DSE: variants seen among roughly 807,000 people sequenced by gnomAD.
DSE encodes dermatan-sulfate epimerase.
A neutral mutation model predicts 84.4 loss-of-function variants in DSE; 36 were observed. The ratio of observed to expected loss-of-function variants is 0.43; its 90% confidence interval spans 0.33 to 0.56. The LOEUF (loss-of-function observed/expected upper bound fraction) is 0.56, where lower values mean the gene tolerates loss of function less well. Ranked by LOEUF, DSE falls within the 20% of genes least tolerant of loss-of-function variation. The pLI is 0.06. For synonymous variants in DSE, 410 were observed against 430.1 expected (o/e 0.95, Z 0.58); for missense variants, 862 against 1,169.6 (o/e 0.74, Z 3.84).
chr6:116,300,251 G>A (rs535783287), intron 2 of DSE, among the ~76,000 whole-genome samples: 11 of 152,202 alleles, frequency 7.2e-5, no homozygotes, highest in East Asian at 5.8e-4. Context: ...AGTCATGTCC[G>A]AATAGTAAGT....
chr6:116,376,522 TTGAA>T (rs1779941987), intron 1 of DSE, among the ~76,000 whole-genome samples: 1 of 152,234 alleles, frequency 6.6e-6, no homozygotes. Context: ...TGTTTATTTC[TTGAA>T]TGGAGTAGTT....
At chr6:116,298,310 C>T (rs563546858) in intron 2 of DSE, among the ~76,000 whole-genome samples, 6 of 152,164 alleles carry the variant, frequency 3.9e-5, no homozygotes, top group Non-Finnish European at 7.3e-5. Flanking sequence ...GGTGGAATTA[C>T]GGTTTCTCAT....
At chr6:116,384,713 CTT>C (rs925470077) in intron 1 of DSE, among the ~76,000 whole-genome samples, 12 of 152,100 alleles carry the variant, frequency 7.9e-5, no homozygotes, top group Non-Finnish European at 1.0e-4. Flanking sequence ...AAGTTTACCT[CTT>C]GACGCAGTTA....
chr6:116,325,541 T>C (rs1395854837), intron 2 of DSE, among the ~76,000 whole-genome samples: 7 of 152,192 alleles, frequency 4.6e-5, no homozygotes. Flanking sequence ...TAAAACCTAA[T>C]GTCCTGTGTT....
chr6:116,360,333 TG>T (rs1778821623), intron 2 of DSE, among the ~76,000 whole-genome samples: 1 of 152,116 alleles, frequency 6.6e-6, no homozygotes, highest in African/African-American at 2.4e-5. Flanking sequence ...ACATGTACCC[TG>T]GAACTTAAAA....
intron 2 of DSE, among the ~76,000 whole-genome samples, chr6:116,364,795 A>G (rs1779072325): frequency 1.3e-5 from 2 of 151,212 alleles, no homozygotes; most frequent in African/African-American, 4.9e-5. Context: ...TCTAATTAAT[A>G]CTTCCTTTGG....
chr6:116,403,861 AT>A (rs1645386163), intron 2 of DSE, among the ~76,000 whole-genome samples: 1 of 152,100 alleles, frequency 6.6e-6, no homozygotes, highest in African/African-American at 2.4e-5. Flanking sequence ...GCACAGTGTT[AT>A]TTCTTTACAC....
intron 2 of DSE, among the ~76,000 whole-genome samples, chr6:116,299,402 A>C (rs1307402878): frequency 6.6e-6 from 1 of 151,520 alleles, no homozygotes; most frequent in Non-Finnish European, 1.5e-5. Context: ...ATCTATAATT[A>C]ATTATGAGTT....
chr6:116,372,072 GTTTA>G, intron 1 of DSE, among the ~76,000 whole-genome samples: 1 of 152,210 alleles, frequency 6.6e-6, no homozygotes, highest in Non-Finnish European at 1.5e-5. Flanking sequence ...GAAAGTCATG[GTTTA>G]GCACTGTTAA....
At chr6:116,348,532 G>C (rs1778130586) in intron 2 of DSE, among the ~76,000 whole-genome samples, 1 of 152,168 alleles carries the variant, frequency 6.6e-6, no homozygotes. Context: ...TAGTGGGACT[G>C]TAAAGTAGTT....
chr6:116,279,659 C>G, intron 2 of DSE: 1 of 1,606,646 alleles, frequency 6.2e-7, no homozygotes, highest in Non-Finnish European at 8.5e-7. Flanking sequence ...GGCGGGAGCG[C>G]GACGGTCTCC....
At chr6:116,368,950 G>C (rs951555607), upstream of DSE, among the ~76,000 whole-genome samples, 4 of 151,410 alleles carry the variant, frequency 2.6e-5, no homozygotes, top group African/African-American at 9.7e-5. Context: ...GGACGGGGGG[G>C]GCTTTGCACA....
At chr6:116,346,194 G>T (rs1329352782) in intron 2 of DSE, among the ~76,000 whole-genome samples, 1 of 152,178 alleles carries the variant, frequency 6.6e-6, no homozygotes, top group East Asian at 1.9e-4. Flanking sequence ...AGAGGTACAA[G>T]GAGGAGCTGG....
chr6:116,437,076 CAT>C lies in DSE; in HGVS notation c.2610_2611del (p.His870GlnfsTer7). On this transcript the variant is annotated frameshift_variant, in exon 6 of 6. Transcript: ENST00000644252. LOFTEE classifies it high-confidence loss of function. The part of the protein sequence containing the change: ...LDFADVTYEK[H>X]KNGGLIKGRF... ...TTTTGCAGATGTAACATACGAGAAA[CAT>C]AAAAATGGGGGCTTGATTAAAGGCC... 1 of 1,613,864 alleles carries C rather than the reference CAT, an allele frequency of 6.2e-7. No individual in the cohort carries two copies. Among genetic ancestry groups the C allele is most frequent in the Non-Finnish European group, 8.5e-7 (1 of 1,180,002 alleles).
At chr6:116,305,824 T>A (rs9400901) in intron 2 of DSE, among the ~76,000 whole-genome samples, 3 of 151,948 alleles carry the variant, frequency 2.0e-5, no homozygotes, top group Admixed American at 6.6e-5. Flanking sequence ...GTATTTTTAG[T>A]AGAGACAGCG....
chr6:116,304,122 CAAA>C (rs10641724), intron 2 of DSE, among the ~76,000 whole-genome samples: 7 of 111,012 alleles, frequency 6.3e-5, no homozygotes, highest in Non-Finnish European at 1.1e-4. Context: ...GACTCCGTCT[CAAA>C]AAAAAAAAAA....
intron 2 of DSE, among the ~76,000 whole-genome samples, chr6:116,408,850 A>G (rs1782108944): frequency 6.6e-6 from 1 of 152,204 alleles, no homozygotes; most frequent in East Asian, 1.9e-4. Context: ...TGTGCTCCTT[A>G]TCAGGTAACT....
chr6:116,275,978 C>A (rs1254531036), intron 2 of DSE, among the ~76,000 whole-genome samples: 2 of 152,156 alleles, frequency 1.3e-5, no homozygotes, highest in South Asian at 2.1e-4. Context: ...GCTTATCAGT[C>A]CTTCCCCAGT....
chr6:116,410,203 A>C (rs1371541834), intron 2 of DSE, among the ~76,000 whole-genome samples: 1 of 152,210 alleles, frequency 6.6e-6, no homozygotes, highest in Non-Finnish European at 1.5e-5. Flanking sequence ...ATTTTGACGC[A>C]AACACCCTGG....
Sources: gnomAD v4.1 joint callset for allele counts (sites outside exome capture counted in the v4.1 genomes callset) on GRCh38, gnomAD v4.1.1 for gene constraint, MANE v1.5 for transcripts, NCBI Gene and HGNC (gene_info 2026-07-23, HGNC 2026-07-21) for gene names.